USP4: variants seen among roughly 807,000 people sequenced by gnomAD.
USP4 encodes ubiquitin specific peptidase 4, also known as ubiquitin carboxyl-terminal hydrolase 4.
In USP4, 72 loss-of-function variants were observed where a neutral mutation model predicts 118.2. The ratio of observed to expected loss-of-function variants is 0.61; its 90% CI spans 0.50 to 0.74. USP4 has a LOEUF of 0.74. Among genes scored for constraint, USP4 ranks in the 30% least tolerant of loss-of-function variants. The pLI is 0.00. For synonymous variants in USP4, 415 were observed against 440.4 expected (o/e 0.94, Z 0.72); for missense variants, 1,037 against 1,185.7 (o/e 0.87, Z 1.84).
intron 6 of USP4, among the ~76,000 whole-genome samples, chr3:49,322,961 G>A (rs2047517675): frequency 6.6e-6 from 1 of 151,638 alleles, no homozygotes; most frequent in Admixed American, 6.6e-5. Context: ...TCACTCACTG[G>A]TGAACAGACA....
chr3:49,330,178 A>ACAAG (rs1263408293), intron 2 of USP4, among the ~76,000 whole-genome samples: 2 of 150,238 alleles, frequency 1.3e-5, no homozygotes, highest in African/African-American at 2.5e-5. Flanking sequence ...CTCAAAACAA[A>ACAAG]CAAACAAACA....
rs72492740 is a variant in USP4, at chr3:49,326,707, CT to C, written c.361-863del. On this transcript the variant is annotated intron_variant, in intron 3 of 21. Transcript: ENST00000265560. Reference sequence around the variant, plus strand: ...ACCATGCACGGCCTGATCAAAGACTCTTTTTTTTTTTTTGCAACCGAGTCTC... The same window carrying C: ...ACCATGCACGGCCTGATCAAAGACTCTTTTTTTTTTTTGCAACCGAGTCTC... Among the ~76,000 whole-genome samples the C allele has an allele frequency of 9.9e-3, 1,374 of 138,180 alleles. 19 individuals are homozygous for C. Among genetic ancestry groups the C allele is most frequent in the African/African-American group, 0.034 (1,254 of 36,926 alleles). 90.7% of individuals were successfully genotyped at this position (138,180 alleles called of 152,430 possible).
intron 6 of USP4, chr3:49,317,517 G>T (rs1448391152): frequency 8.3e-5 from 51 of 611,324 alleles, no homozygotes; most frequent in Admixed American, 1.6e-4. Flanking sequence ...CTCTTTTTTT[G>T]TTTTGTTTTG....
chr3:49,289,247 T>C (rs750083145), intron 15 of USP4, among the ~76,000 whole-genome samples: 1 of 152,212 alleles, frequency 6.6e-6, no homozygotes, highest in Non-Finnish European at 1.5e-5. Context: ...GCAAACACAC[T>C]CACAAGATGT....
At chr3:49,305,635 A>G in intron 9 of USP4, 80 bp downstream of exon 9, 1 of 1,345,418 alleles carries the variant, frequency 7.4e-7, no homozygotes, top group South Asian at 1.8e-5. Flanking sequence ...ATCCTAAAAA[A>G]CCTGAAGTCC....
chr3:49,317,542 GTTTTT>G (rs71077785), intron 6 of USP4: 18 of 514,052 alleles, frequency 3.5e-5, no homozygotes, highest in South Asian at 1.6e-4. Context: ...TTGTTTGTTT[GTTTTT>G]TTTTTTTTTT....
chr3:49,281,209 C>T (rs2107762989), intron 19 of USP4, among the ~76,000 whole-genome samples: 1 of 152,196 alleles, frequency 6.6e-6, no homozygotes, highest in African/African-American at 2.4e-5. Flanking sequence ...GTAATCCCAG[C>T]ACTTTCGGAG....
chr3:49,280,679 A>G, intron 20 of USP4, 65 bp downstream of exon 20: 4 of 1,367,808 alleles, frequency 2.9e-6, no homozygotes, highest in Non-Finnish European at 4.2e-6. Context: ...TGCCTGGTCC[A>G]CTGGTGAGAG....
At chr3:49,290,820 T>C (rs1170219360) in intron 15 of USP4, among the ~76,000 whole-genome samples, 3 of 151,688 alleles carry the variant, frequency 2.0e-5, no homozygotes, top group African/African-American at 7.3e-5. Context: ...CGTCTGCAAC[T>C]GAGAATTTAT....
chr3:49,295,591 G>A (rs539263675), intron 13 of USP4, among the ~76,000 whole-genome samples: 1 of 152,074 alleles, frequency 6.6e-6, no homozygotes, highest in Non-Finnish European at 1.5e-5. Flanking sequence ...GTTTTATCCT[G>A]GAACAGATGT....
At chr3:49,339,629 G>C (rs2047713959) in intron 1 of USP4, among the ~76,000 whole-genome samples, 1 of 152,174 alleles carries the variant, frequency 6.6e-6, no homozygotes, top group African/African-American at 2.4e-5. Flanking sequence ...TCATGGTAAA[G>C]GGCTCTCCCC....
At chr3:49,298,231 G>C (rs763321083) in intron 12 of USP4, among the ~76,000 whole-genome samples, 2 of 152,210 alleles carry the variant, frequency 1.3e-5, no homozygotes, top group African/African-American at 4.8e-5. Context: ...ACCAGCAGTT[G>C]TCCAGAGCCT....
Position 49,325,042 on chromosome 3 carries a change from AG to A in USP4, c.488-4del, listed in dbSNP as rs755361228. On this transcript the variant is annotated splice_polypyrimidine_tract_variant and splice_region_variant and intron_variant, in intron 4 of 21. Coordinates refer to ENST00000265560, the MANE Select transcript of USP4 (RefSeq NM_003363.4). ...CCGCATCTCTTTCTCGATGGTTGCTAGGAACAGGCAGAAATATCACTTGGGG... is the reference window on the plus strand; with the variant it reads ...CCGCATCTCTTTCTCGATGGTTGCTAGAACAGGCAGAAATATCACTTGGGG... 86 of 1,611,640 alleles carry A rather than the reference AG, an allele frequency of 5.3e-5. No homozygotes were observed. Among genetic ancestry groups the A allele is most frequent in the Non-Finnish European group, 7.0e-5 (82 of 1,179,276 alleles).
In USP4 at chr3:49,286,256, C is replaced by T; in HGVS notation, c.2042G>A (p.Gly681Glu). 6.2e-7 allele frequency: 1 copy of T among 1,614,118 alleles called. No individual in the cohort carries two copies. Among genetic ancestry groups the T allele is most frequent in the South Asian group, 1.1e-5 (1 of 91,082 alleles). ...KEQLSETEGSGEDEPGNDPSE... is the reference protein window; with the variant it reads ...KEQLSETEGSEEDEPGNDPSE... ...GGGGTCATTTCCTGGCTCATCTTCC[C>T]CACTGCCTTCTGTTTCTGAAAGCTG... The change falls in exon 16 of 22, where the codon GGG becomes GAG. Residue 681 changes from glycine to glutamate, a missense_variant. Around this residue, in one of 3 missense-constraint regions of USP4, gnomAD observed 522 missense variants for 592.6 expected, o/e 0.88. Transcript: ENST00000265560.
At chr3:49,336,316 C>G (rs1400529075) in intron 1 of USP4, among the ~76,000 whole-genome samples, 2 of 149,886 alleles carry the variant, frequency 1.3e-5, no homozygotes, top group African/African-American at 4.9e-5. Context: ...GGATTACAGG[C>G]ATGCATCACC....
chr3:49,327,308 C>T (rs940343691), intron 3 of USP4, among the ~76,000 whole-genome samples: 9 of 152,048 alleles, frequency 5.9e-5, no homozygotes, highest in Non-Finnish European at 1.2e-4. Context: ...GGGGCCGAGT[C>T]GGGCGGATCA....
At chr3:49,297,822 G>C in intron 13 of USP4, 48 bp downstream of exon 13, 1 of 1,448,980 alleles carries the variant, frequency 6.9e-7, no homozygotes, top group South Asian at 1.1e-5. Context: ...AAAGTCTCTA[G>C]AATGTGTCCT....
intron 2 of USP4, among the ~76,000 whole-genome samples, chr3:49,331,680 C>G (rs1360067731): frequency 6.6e-6 from 1 of 152,124 alleles, no homozygotes; most frequent in Non-Finnish European, 1.5e-5. Flanking sequence ...AATATGCTAT[C>G]ATGCAGGCTT....
chr3:49,303,518 T>C (rs775807981), intron 9 of USP4, among the ~76,000 whole-genome samples: 43 of 149,368 alleles, frequency 2.9e-4, no homozygotes, highest in Middle Eastern at 7.0e-3. Flanking sequence ...TAGCCACATA[T>C]GGCAATTGAA....
Sources: gnomAD v4.1 joint callset for allele counts (sites outside exome capture counted in the v4.1 genomes callset) on GRCh38, gnomAD v4.1.1 for gene constraint, gnomAD v4.1.1 regional missense constraint, MANE v1.5 for transcripts, NCBI Gene and HGNC (gene_info 2026-07-23, HGNC 2026-07-21) for gene names.